DPRX: variants seen among roughly 807,000 people sequenced by gnomAD.
The protein encoded by DPRX is divergent-paired related homeobox, also known as divergent paired-related homeobox.
Under a neutral mutation model 8.4 loss-of-function variants are expected in DPRX, and 11 were observed. The observed-to-expected ratio is 1.31, with a 90% CI of 0.82 to 2.17. The LOEUF is 2.17. Ranked by LOEUF, DPRX falls within the 30% of genes most tolerant of loss-of-function variation. The pLI, the probability that DPRX is intolerant of heterozygous loss-of-function variation, is 0.00. For synonymous variants in DPRX, 72 were observed against 87.0 expected (o/e 0.83, Z 0.96); for missense variants, 211 against 236.7 (o/e 0.89, Z 0.71).
At chr19:53,608,099 G>A in the DPRX span, among the ~76,000 whole-genome samples, 6 of 149,612 alleles carry the variant, frequency 4.0e-5, no homozygotes, top group African/African-American at 1.5e-4. Flanking sequence ...TTGAACCCGG[G>A]AGGCAGAGGT....
chr19:53,617,209 C>T, the DPRX span: 1 of 875,510 alleles, frequency 1.1e-6, no homozygotes, highest in Non-Finnish European at 2.0e-6. Context: ...TTTTTCACGG[C>T]TAGAGTATTC....
At chr19:53,636,289 C>T (rs558651811) in intron 2 of DPRX, among the ~76,000 whole-genome samples, 1 of 152,034 alleles carries the variant, frequency 6.6e-6, no homozygotes, top group Non-Finnish European at 1.5e-5. Flanking sequence ...TCGCTTGAAC[C>T]TGGGAGGCGG....
the DPRX span, chr19:53,617,117 G>T: frequency 2.4e-6 from 3 of 1,256,520 alleles, no homozygotes; most frequent in Non-Finnish European, 3.5e-6. Flanking sequence ...CATAATCCTG[G>T]ACCGATCGAA....
the DPRX span, among the ~76,000 whole-genome samples, chr19:53,603,001 GTA>G: frequency 2.5e-4 from 35 of 139,192 alleles, no homozygotes; most frequent in African/African-American, 8.9e-4. Flanking sequence ...GTGTGTATAT[GTA>G]TGTGTGTGTG....
the DPRX span, among the ~76,000 whole-genome samples, chr19:53,607,502 G>T: frequency 6.6e-6 from 1 of 152,124 alleles, no homozygotes; most frequent in Non-Finnish European, 1.5e-5. Context: ...CCATGATCGT[G>T]CTACTGCACT....
At chr19:53,623,314 T>TA in the DPRX span, among the ~76,000 whole-genome samples, 153 of 105,672 alleles carry the variant, frequency 1.4e-3, no homozygotes, top group Middle Eastern at 6.0e-3. Flanking sequence ...CTCAAAAAAA[T>TA]AAATAAATAA....
the DPRX span, among the ~76,000 whole-genome samples, chr19:53,611,807 G>A: frequency 1.3e-5 from 2 of 152,160 alleles, no homozygotes; most frequent in African/African-American, 4.8e-5. Context: ...GAACTGGCTG[G>A]GCGCAGTGGC....
chr19:53,624,396 T>G, the DPRX span, among the ~76,000 whole-genome samples: 1 of 150,296 alleles, frequency 6.7e-6, no homozygotes, highest in Non-Finnish European at 1.5e-5. Context: ...CCAGCTGTTT[T>G]TTTGTTTTGT....
chr19:53,605,238 T>C, the DPRX span, among the ~76,000 whole-genome samples: 3,706 of 152,120 alleles, frequency 0.024, 154 homozygotes, highest in East Asian at 0.2. Context: ...AGTCAGATTA[T>C]GTACATTTTC....
chr19:53,619,479 A>G, the DPRX span, among the ~76,000 whole-genome samples: 3 of 152,098 alleles, frequency 2.0e-5, no homozygotes, highest in African/African-American at 7.2e-5. Context: ...GTTAGAGACC[A>G]GCCTGAGCAA....
At chr19:53,603,118 C>T in the DPRX span, among the ~76,000 whole-genome samples, 1 of 150,838 alleles carries the variant, frequency 6.6e-6, no homozygotes, top group Non-Finnish European at 1.5e-5. Flanking sequence ...GTGGTGTGGT[C>T]TTGATTCACT....
At chr19:53,615,947 T>TAAATTAA in the DPRX span, among the ~76,000 whole-genome samples, 32 of 152,052 alleles carry the variant, frequency 2.1e-4, no homozygotes, top group Non-Finnish European at 4.3e-4. Flanking sequence ...CCAATTTTTT[T>TAAATTAA]AAATTAAAAA....
the DPRX span, among the ~76,000 whole-genome samples, chr19:53,609,608 G>A: frequency 0.6 from 90,098 of 151,414 alleles, 27,246 homozygotes; most frequent in East Asian, 0.68. Context: ...GCTCACTCCT[G>A]TAATCCCAGC....
At chr19:53,615,394 C>T in the DPRX span, among the ~76,000 whole-genome samples, 1 of 152,124 alleles carries the variant, frequency 6.6e-6, no homozygotes, top group Non-Finnish European at 1.5e-5. Context: ...GATTTTCCTA[C>T]CTCAGCCTCC....
upstream of DPRX, among the ~76,000 whole-genome samples, chr19:53,631,556 C>T (rs1177271034): frequency 6.6e-6 from 1 of 151,968 alleles, no homozygotes; most frequent in African/African-American, 2.4e-5. Context: ...GGCAGGAGTT[C>T]AAGACCAGCC....
the DPRX span, among the ~76,000 whole-genome samples, chr19:53,620,019 C>T: frequency 6.6e-6 from 1 of 152,258 alleles, no homozygotes; most frequent in South Asian, 2.1e-4. Flanking sequence ...TGCCAAATTT[C>T]ATCCCACATT....
rs780214207 is a variant in DPRX at position 53,636,745 on chromosome 19, CA to C, written c.335del (p.Asn112ThrfsTer38). ...ATGCAGACACACTACCCAGATTGCC[CA>C]ACGCTGCTCACCCGATCGGCCTGGT... is the stretch of plus-strand genomic sequence containing the variant. On this transcript the variant is annotated frameshift_variant, in exon 3 of 3. Transcript: ENST00000376650. LOFTEE classifies it low-confidence loss of function (END_TRUNC). The C allele has an allele frequency of 6.2e-7, 1 of 1,614,046 alleles. No homozygotes were observed. The highest frequency in any genetic ancestry group is 1.3e-5 in the African/African-American group (1 of 74,922).
At chr19:53,604,251 G>A in the DPRX span, among the ~76,000 whole-genome samples, 4 of 151,962 alleles carry the variant, frequency 2.6e-5, no homozygotes, top group Non-Finnish European at 5.9e-5. Context: ...GGCATGTACT[G>A]GGGGTCTTGG....
chr19:53,630,492 C>A, upstream of DPRX, among the ~76,000 whole-genome samples: 1 of 151,998 alleles, frequency 6.6e-6, no homozygotes, highest in East Asian at 1.9e-4. Context: ...GTTAAGGCTG[C>A]ATTGAGCTAT....
Sources: gnomAD v4.1 joint callset for allele counts (sites outside exome capture counted in the v4.1 genomes callset) on GRCh38, gnomAD v4.1.1 for gene constraint, MANE v1.5 for transcripts, NCBI Gene and HGNC (gene_info 2026-07-23, HGNC 2026-07-21) for gene names.